ASIC2: variants seen among roughly 807,000 people sequenced by gnomAD.
The protein encoded by ASIC2 is acid sensing ion channel subunit 2.
ASIC2 carries 25 observed loss-of-function variants against 57.3 expected under a neutral mutation model. The observed-to-expected ratio is 0.44, with a 90% CI of 0.32 to 0.61. ASIC2 has a LOEUF of 0.61. ASIC2 is among the 20% of genes least tolerant of loss of function. The probability of loss-of-function intolerance (pLI) is 0.06; values close to 1 mark genes in which losing one functional copy is unlikely to be tolerated. For synonymous variants in ASIC2, 319 were observed against 307.5 expected, an observed-to-expected ratio of 1.04 and a Z score of -0.39; for missense variants, 641 against 738.1, an observed-to-expected ratio of 0.87 and a Z score of 1.52.
intron 1 of ASIC2, among the ~76,000 whole-genome samples, chr17:33,127,158 C>T (rs957976554): frequency 6.6e-5 from 10 of 152,226 alleles, no homozygotes; most frequent in South Asian, 2.1e-4. Flanking sequence ...CGTGAGCCAC[C>T]GCTCCCGGCC....
At chr17:33,479,144 G>A (rs1217230335) in intron 1 of ASIC2, among the ~76,000 whole-genome samples, 22 of 151,930 alleles carry the variant, frequency 1.4e-4, no homozygotes, top group Admixed American at 1.4e-3. Context: ...AACTACAGGT[G>A]CGCACCACCA....
chr17:33,855,263 C>T (rs1328862143), intron 1 of ASIC2, among the ~76,000 whole-genome samples: 1 of 152,146 alleles, frequency 6.6e-6, no homozygotes, highest in Non-Finnish European at 1.5e-5. Context: ...GGAGACCCTG[C>T]TCTGCCCCCT....
intron 1 of ASIC2, among the ~76,000 whole-genome samples, chr17:34,040,094 C>A (rs1296773260): frequency 1.5e-5 from 2 of 136,598 alleles, no homozygotes; most frequent in East Asian, 4.5e-4. Flanking sequence ...GATCCCCGGG[C>A]TCGCGTACAG....
intron 1 of ASIC2, among the ~76,000 whole-genome samples, chr17:33,387,010 A>G (rs1909708915): frequency 6.6e-6 from 1 of 151,810 alleles, no homozygotes; most frequent in Non-Finnish European, 1.5e-5. Context: ...TAGCTGCTTT[A>G]GAGTTTAGCT....
chr17:33,169,010 C>T (rs1245244715), intron 1 of ASIC2, among the ~76,000 whole-genome samples: 1 of 152,192 alleles, frequency 6.6e-6, no homozygotes, highest in African/African-American at 2.4e-5. Flanking sequence ...CCATCACAGG[C>T]CCAGAGCTCT....
At chr17:33,343,472 C>T (rs1006848641) in intron 1 of ASIC2, among the ~76,000 whole-genome samples, 1 of 152,198 alleles carries the variant, frequency 6.6e-6, no homozygotes. Flanking sequence ...TTGGCTTCCT[C>T]ACTTTATTAC....
At chr17:34,056,441 C>T (rs1374502762) in intron 1 of ASIC2, among the ~76,000 whole-genome samples, 1 of 152,158 alleles carries the variant, frequency 6.6e-6, no homozygotes, top group African/African-American at 2.4e-5. Flanking sequence ...CTACCTGTGA[C>T]ACTGTGCAAA....
intron 1 of ASIC2, among the ~76,000 whole-genome samples, chr17:33,854,310 G>C (rs1015237313): frequency 6.6e-6 from 1 of 152,166 alleles, no homozygotes; most frequent in South Asian, 2.1e-4. Flanking sequence ...GTATGCATGG[G>C]TATTGGTCAT....
chr17:33,502,548 G>A (rs1281034413), intron 1 of ASIC2, among the ~76,000 whole-genome samples: 2 of 152,204 alleles, frequency 1.3e-5, no homozygotes, highest in Admixed American at 1.3e-4. Flanking sequence ...GTCCATCTGT[G>A]CTTCCAGGAG....
At chr17:33,686,321 T>C (rs976591212) in intron 1 of ASIC2, among the ~76,000 whole-genome samples, 4 of 152,118 alleles carry the variant, frequency 2.6e-5, no homozygotes, top group Non-Finnish European at 4.4e-5. Flanking sequence ...GGAGAACCTA[T>C]AGGAGGAGTT....
At chr17:33,270,578 A>G (rs892247801) in intron 1 of ASIC2, among the ~76,000 whole-genome samples, 1 of 152,172 alleles carries the variant, frequency 6.6e-6, no homozygotes, top group Non-Finnish European at 1.5e-5. Context: ...GGAGCTTTAA[A>G]CATTTTAACC....
intron 1 of ASIC2, among the ~76,000 whole-genome samples, chr17:33,650,698 T>C (rs1198381263): frequency 1.3e-5 from 2 of 152,158 alleles, no homozygotes; most frequent in East Asian, 1.9e-4. Flanking sequence ...CTGAGATTTA[T>C]GCTGAGTGGA....
intron 3 of ASIC2, among the ~76,000 whole-genome samples, chr17:33,056,263 A>G (rs1441283641): frequency 2.0e-5 from 3 of 152,256 alleles, no homozygotes; most frequent in Non-Finnish European, 4.4e-5. Flanking sequence ...CAACACACCC[A>G]AAGATACACA....
chr17:33,530,145 G>C (rs1458204824), intron 1 of ASIC2: 1 of 152,152 alleles, frequency 6.6e-6, no homozygotes, highest in Non-Finnish European at 1.5e-5. Context: ...CCTGTTTCTT[G>C]GCCCTTGTGT....
At chr17:33,115,121 G>A (rs191410309) in intron 1 of ASIC2, among the ~76,000 whole-genome samples, 1 of 152,302 alleles carries the variant, frequency 6.6e-6, no homozygotes, top group African/African-American at 2.4e-5. Context: ...AGCCCAGGTA[G>A]CAGCTCCTGC....
chr17:33,024,798 G>A (rs2091852278), intron 5 of ASIC2, among the ~76,000 whole-genome samples: 1 of 152,132 alleles, frequency 6.6e-6, no homozygotes, highest in Non-Finnish European at 1.5e-5. Context: ...TTTTCTCTGG[G>A]TAATTTTCCA....
At chr17:33,580,806 G>A (rs377578004) in intron 1 of ASIC2, among the ~76,000 whole-genome samples, 3 of 152,156 alleles carry the variant, frequency 2.0e-5, no homozygotes, top group African/African-American at 7.2e-5. Flanking sequence ...AAATAACTAA[G>A]TTCTTTTTAT....
rs139451585 is a variant in ASIC2, at chr17:33,596,097, C to T, written c.556-484030G>A. Among the ~76,000 whole-genome samples, 15 of 145,884 alleles carry T rather than the reference C, an allele frequency of 1.0e-4. No homozygotes were observed. In the East Asian group the frequency reaches 3.0e-3, roughly 29 times the overall value. ...AACTCCCTCCAATTTGTCTACAAATCAGTTCTAAATTTAGACCCACCCGCC... is the reference window on the plus strand; with the variant it reads ...AACTCCCTCCAATTTGTCTACAAATTAGTTCTAAATTTAGACCCACCCGCC... On this transcript the variant is annotated intron_variant, in intron 1 of 9. Transcript: ENST00000359872.
chr17:34,099,035 A>C (rs1910647344), intron 1 of ASIC2, among the ~76,000 whole-genome samples: 1 of 151,354 alleles, frequency 6.6e-6, no homozygotes, highest in African/African-American at 2.4e-5. Flanking sequence ...AGGATGAGCA[A>C]TAGATTAGCC....
Sources: gnomAD v4.1 joint callset for allele counts (sites outside exome capture counted in the v4.1 genomes callset) on GRCh38, gnomAD v4.1.1 for gene constraint, MANE v1.5 for transcripts, NCBI Gene and HGNC (gene_info 2026-07-23, HGNC 2026-07-21) for gene names.